Variants in MMP25 observed in about 807,000 individuals in gnomAD.
MMP25 encodes matrix metallopeptidase 25, also known as matrix metalloproteinase-25.
MMP25 carries 68 observed loss-of-function variants against 62.1 expected under a neutral mutation model. That is an observed-to-expected ratio of 1.10 (90% CI 0.90 to 1.34). The LOEUF (loss-of-function observed/expected upper bound fraction) is 1.34, where lower values mean the gene tolerates loss of function less well. Ranked by LOEUF, MMP25 falls within the 40% of genes most tolerant of loss-of-function variation. The probability of loss-of-function intolerance (pLI) is 0.00; values close to 1 mark genes in which losing one functional copy is unlikely to be tolerated. For synonymous variants in MMP25, 407 were observed against 345.6 expected, an observed-to-expected ratio of 1.18 and a Z score of -1.97; for missense variants, 942 against 792.5, an observed-to-expected ratio of 1.19 and a Z score of -2.26.
At chr16:3,057,270 G>A (rs2741912) in intron 5 of MMP25, 40 bp from the exon 6 acceptor site, 2 of 1,614,028 alleles carry the variant, frequency 1.2e-6, no homozygotes, top group South Asian at 1.1e-5. Flanking sequence ...CTCTGCAGCA[G>A]GGCCAGGGGA....
rs957529042 is a variant in MMP25, at chr16:3,047,227, G to T, written c.100-188G>T. On this transcript the variant is annotated intron_variant, in intron 1 of 9. Transcript: ENST00000336577. ...TGGAAAGGAGCTGAGGTGCGGAGCT[G>T]AAGTCCAGACAAGACTGGCAAACCC... is the stretch of plus-strand genomic sequence containing the variant. Among the ~76,000 whole-genome samples, 6 of 152,332 alleles carry T rather than the reference G, an allele frequency of 3.9e-5. No individual in the cohort carries two copies. In the East Asian group the frequency reaches 1.2e-3, roughly 29 times the overall value.
At position 3,057,582 on chromosome 16, in the gene MMP25, C is replaced by T. The variant is rs747968584; in HGVS notation, c.975C>T (p.Ala325=). Residue 325 remains alanine, a synonymous_variant, in exon 7 of 10, where the codon GCC becomes GCT. Coordinates refer to ENST00000336577, the MANE Select transcript of MMP25 (RefSeq NM_022468.5). ...DRCEGNFDAI[A]NIRGETFFFK... ...GTGAGGGCAATTTTGACGCCATCGC[C>T]AACATCCGAGGGGAAACTTTCTTCT... is the stretch of plus-strand genomic sequence containing the variant. 7 of 1,614,066 alleles carry T rather than the reference C, an allele frequency of 4.3e-6. No homozygotes were observed. Among genetic ancestry groups the T allele is most frequent in the Admixed American group, 1.7e-5 (1 of 60,004 alleles).
chr16:3,056,421 A>G (rs1956010345), intron 4 of MMP25, among the ~76,000 whole-genome samples: 1 of 149,832 alleles, frequency 6.7e-6, no homozygotes, highest in Non-Finnish European at 1.5e-5. Flanking sequence ...TTTTTTTGAG[A>G]CGGGGCCTTA....
At position 3,046,681 on chromosome 16, in the gene MMP25, GAT is replaced by G; in HGVS notation, c.-236_-235del. On this transcript the variant is annotated 5_prime_UTR_variant, in exon 1 of 10. Transcript: ENST00000336577. Reference sequence around the variant, plus strand: ...TCCCGCGCCCTCTCAACCATCCTGGGATTCCCGGGCCCACCCGACCCAGCGGC... The same window carrying G: ...TCCCGCGCCCTCTCAACCATCCTGGGTCCCGGGCCCACCCGACCCAGCGGC... 2.6e-6 allele frequency: 1 copy of G among 380,396 alleles called. No homozygotes were observed. Among genetic ancestry groups the G allele is most frequent in the Non-Finnish European group, 4.7e-6 (1 of 214,128 alleles). The allele number at this position is 380,396 out of a possible 1,614,324, so 23.6% of individuals were successfully genotyped here. A position where few individuals can be genotyped will look rare whatever the true frequency, so the allele number is the denominator to read the frequency against.
Position 3,057,126 on chromosome 16 carries a change from G to C in MMP25, c.755G>C (p.Arg252Thr). 1 of 1,613,520 alleles carries C rather than the reference G, an allele frequency of 6.2e-7. No individual in the cohort carries two copies. Among genetic ancestry groups the C allele is most frequent in the Non-Finnish European group, 8.5e-7 (1 of 1,179,804 alleles). ...GHSSAPNSIMRPFYQGPVGDP... is the reference protein window; with the variant it reads ...GHSSAPNSIMTPFYQGPVGDP... ...TCCTCAGCCCCCAACTCCATTATGA[G>C]GCCCTTCTACCAGGGTCCGGTGGGC... Residue 252 changes from arginine (R) to threonine (T), a missense_variant, in exon 5 of 10, where the codon AGG becomes ACG. Coordinates refer to ENST00000336577, the MANE Select transcript of MMP25 (RefSeq NM_022468.5).
Position 3,058,306 on chromosome 16 carries a change from C to T in MMP25, c.1132C>T (p.Arg378Ter), listed in dbSNP as rs765111576. 4.4e-6 allele frequency: 7 copies of T among 1,601,348 alleles called. No homozygotes were observed. Among genetic ancestry groups the T allele is most frequent in the African/African-American group, 1.4e-5 (1 of 74,010 alleles). ...RVVQAAYARH[R>*]DGRILLFSGP... ...GGTGCAGGCCGCCTATGCTCGGCAC[C>T]GAGACGGCCGAATCCTCCTCTTTAG... The change falls in exon 8 of 10, where the codon CGA (arginine) becomes TGA (stop). Residue 378 changes from arginine to a stop codon, truncating the protein, a stop_gained. Transcript: ENST00000336577. LOFTEE classifies it high-confidence loss of function.
At chr16:3,058,119 C>T in intron 7 of MMP25, 62 bp from the exon 8 acceptor site, 1 of 1,587,150 alleles carries the variant, frequency 6.3e-7, no homozygotes, top group Non-Finnish European at 8.6e-7. Flanking sequence ...CAGCCACACA[C>T]CCTGGGGGAG....
chr16:3,059,209 C>T lies in MMP25; in HGVS notation c.*111C>T. ...GAGGCCCCTTGTCTGTTCCCACGGA[C>T]GGGGGCTCGGGCGCGGACTAAGCAG... On this transcript the variant is annotated 3_prime_UTR_variant, in exon 10 of 10. Transcript: ENST00000336577. The T allele has an allele frequency of 7.8e-7, 1 of 1,284,162 alleles. No individual in the cohort carries two copies. Among genetic ancestry groups the T allele is most frequent in the Non-Finnish European group, 1.0e-6 (1 of 973,652 alleles). 79.5% of individuals were successfully genotyped at this position (1,284,162 alleles called of 1,614,324 possible).
intron 4 of MMP25, chr16:3,051,288 G>C (rs1955898672): frequency 6.6e-6 from 1 of 151,956 alleles, no homozygotes; most frequent in Non-Finnish European, 1.5e-5. Context: ...GGGATTGTAG[G>C]GGATAGCAAG....
At chr16:3,051,709 C>T (rs1297847831) in intron 4 of MMP25, 2 of 152,116 alleles carry the variant, frequency 1.3e-5, no homozygotes, top group Non-Finnish European at 2.9e-5. Flanking sequence ...CCCACGGTGA[C>T]ACAGCTCCAC....
chr16:3,057,829 G>C, intron 7 of MMP25: 1 of 602,264 alleles, frequency 1.7e-6, no homozygotes, highest in Non-Finnish European at 2.9e-6. Flanking sequence ...CTCCCTGGTA[G>C]CTGGGACCAC....
intron 1 of MMP25, 93 bp from the exon 2 acceptor site, chr16:3,047,314 TCTGGGTGC>T: frequency 6.7e-7 from 1 of 1,500,426 alleles, no homozygotes; most frequent in Non-Finnish European, 8.9e-7. Context: ...GGCCCTGGGC[TCTGGGTGC>T]CTGGGAGGGG....
chr16:3,058,233 C>T lies in MMP25; in HGVS notation c.1059C>T (p.Pro353=), dbSNP rs753888181. Residue 353 remains proline, a synonymous_variant, in exon 8 of 10, where the codon CCC becomes CCT. Transcript: ENST00000336577. ...CCGGACAGCTGGTGTCCCCGCGACCCGCACGGCTGCACCGCTTCTGGGAGG... is the reference window on the plus strand; with the variant it reads ...CCGGACAGCTGGTGTCCCCGCGACCTGCACGGCTGCACCGCTTCTGGGAGG... The part of the protein sequence containing the change: ...QPSGQLVSPR[P]ARLHRFWEGL... 3 of 1,612,532 alleles carry T rather than the reference C, an allele frequency of 1.9e-6. No individual in the cohort carries two copies. The highest frequency in any genetic ancestry group is 2.2e-5 in the South Asian group (2 of 90,930).
rs1401675191 is a variant in MMP25, at chr16:3,052,525, ATGG to A, written c.661+1983_661+1985del. ...AGTTCTCGCAGGGTCCAGGCAAGAG[ATGG>A]TGGAGTGTGGTCCTGGGGAAGGGGG... On this transcript the variant is annotated intron_variant, in intron 4 of 9. Coordinates refer to ENST00000336577, the MANE Select transcript of MMP25 (RefSeq NM_022468.5). 7 of 152,090 alleles carry A rather than the reference ATGG, an allele frequency of 4.6e-5. No individual in the cohort carries two copies. The Middle Eastern group carries it at 0.017, about 370-fold the overall frequency. The allele number at this position is 152,090 out of a possible 1,614,324, so 9.4% of individuals were successfully genotyped here.
chr16:3,053,852 T>C (rs911784507), intron 4 of MMP25: 34 of 152,178 alleles, frequency 2.2e-4, no homozygotes, highest in African/African-American at 7.5e-4. Context: ...GTGACCTTTT[T>C]AGTGCCTGTA....
Position 3,050,143 on chromosome 16 carries a change from A to C in MMP25, c.367A>C (p.Arg123=). 1 of 1,604,540 alleles carries C rather than the reference A, an allele frequency of 6.2e-7. No individual in the cohort carries two copies. Among genetic ancestry groups the C allele is most frequent in the South Asian group, 1.1e-5 (1 of 90,746 alleles). Reference sequence around the variant, plus strand: ...GTGGAAGAAGCGAACCCTGACATGGAGGTAGGTCCTGGGGCCCACCCGCAC... The same window carrying C: ...GTGGAAGAAGCGAACCCTGACATGGCGGTAGGTCCTGGGGCCCACCCGCAC... ...SVWKKRTLTW[R]VRSFPQSSQL... is the part of the protein sequence containing the mutation. Residue 123 remains arginine (R), a splice_region_variant and synonymous_variant, in exon 3 of 10, where the codon AGG becomes CGG. Coordinates refer to ENST00000336577, the MANE Select transcript of MMP25 (RefSeq NM_022468.5).
At chr16:3,055,731 C>G (rs1955994390) in intron 4 of MMP25, 1 of 430,880 alleles carries the variant, frequency 2.3e-6, no homozygotes, top group Non-Finnish European at 4.7e-6. Context: ...CTGAACAGTG[C>G]TGACCTTAGT....
chr16:3,046,831 A>G lies in MMP25; in HGVS notation c.-87A>G, dbSNP rs906744616. ...GTGCCGGGTGCCCCCCGCCCTCTCC[A>G]GGCCCGGATCTCCTCCCCCAGGTCC... is the stretch of plus-strand genomic sequence containing the variant. On this transcript the variant is annotated 5_prime_UTR_variant, in exon 1 of 10. Coordinates refer to ENST00000336577, the MANE Select transcript of MMP25 (RefSeq NM_022468.5). 1 of 709,778 alleles carries G rather than the reference A, an allele frequency of 1.4e-6. No individual in the cohort carries two copies. Among genetic ancestry groups the G allele is most frequent in the Non-Finnish European group, 2.1e-6 (1 of 480,830 alleles). 44.0% of individuals were successfully genotyped at this position (709,778 alleles called of 1,614,324 possible). A position where few individuals can be genotyped will look rare whatever the true frequency, so the allele number is the denominator to read the frequency against.
At chr16:3,051,951 C>A (rs1276215410) in intron 4 of MMP25, 1 of 151,938 alleles carries the variant, frequency 6.6e-6, no homozygotes, top group South Asian at 2.1e-4. Context: ...ATGTTGAAAC[C>A]CCGTCTCTAC....
Sources: gnomAD v4.1 joint callset for allele counts (sites outside exome capture counted in the v4.1 genomes callset) on GRCh38, gnomAD v4.1.1 for gene constraint, MANE v1.5 for transcripts, NCBI Gene and HGNC (gene_info 2026-07-23, HGNC 2026-07-21) for gene names.